The following TCTN2 variants were observed in gnomAD, a reference collection of about 807,000 sequenced individuals.
TCTN2 encodes tectonic-2.
In TCTN2, 66 loss-of-function variants were observed where a neutral mutation model predicts 83.4. The ratio of observed to expected loss-of-function variants is 0.79; its 90% CI spans 0.65 to 0.97. The LOEUF is 0.97. TCTN2 is among the 50% of genes least tolerant of loss of function. The pLI is 0.00. For missense variants in TCTN2, 794 were observed against 858.1 expected (o/e 0.93, Z 0.93); for synonymous variants, 301 against 326.7 (o/e 0.92, Z 0.85).
chr12:123,694,483 A>G (rs1956084422), intron 9 of TCTN2, among the ~76,000 whole-genome samples: 1 of 152,198 alleles, frequency 6.6e-6, no homozygotes, highest in African/African-American at 2.4e-5. Flanking sequence ...GTAGTAGGGA[A>G]CTAGATAGCG....
intron 4 of TCTN2, among the ~76,000 whole-genome samples, chr12:123,674,679 AG>A (rs1434049243): frequency 6.6e-6 from 1 of 152,144 alleles, no homozygotes; most frequent in Non-Finnish European, 1.5e-5. Context: ...GAATTTCTTG[AG>A]CCCAGGAGTT....
intron 3 of TCTN2, among the ~76,000 whole-genome samples, chr12:123,672,818 A>G (rs1170873721): frequency 6.6e-6 from 1 of 152,182 alleles, no homozygotes; most frequent in Admixed American, 6.5e-5. Flanking sequence ...TGGGAGGCCG[A>G]GGAGGGCGGA....
At chr12:123,702,169 G>C (rs549338759) in intron 14 of TCTN2, among the ~76,000 whole-genome samples, 1 of 152,260 alleles carries the variant, frequency 6.6e-6, no homozygotes, top group East Asian at 1.9e-4. Context: ...TTTTTATTGA[G>C]CTAATTAATG....
intron 8 of TCTN2, 61 bp downstream of exon 8, chr12:123,690,735 CATG>C: frequency 6.3e-7 from 1 of 1,584,766 alleles, no homozygotes; most frequent in Non-Finnish European, 8.7e-7. Flanking sequence ...AGTATGATCT[CATG>C]AGAGTATAAA....
chr12:123,703,956 G>A (rs1956200345), intron 14 of TCTN2, among the ~76,000 whole-genome samples: 1 of 151,526 alleles, frequency 6.6e-6, no homozygotes, highest in Non-Finnish European at 1.5e-5. Flanking sequence ...GCTTTAATAT[G>A]TGGGTCAGGG....
chr12:123,698,321 T>C (rs999013228), intron 13 of TCTN2, among the ~76,000 whole-genome samples: 1 of 151,802 alleles, frequency 6.6e-6, no homozygotes, highest in Non-Finnish European at 1.5e-5. Flanking sequence ...GGATTACAGG[T>C]GTGAGCCACT....
chr12:123,676,734 A>G (rs925845233), intron 4 of TCTN2, among the ~76,000 whole-genome samples: 4 of 152,286 alleles, frequency 2.6e-5, no homozygotes, highest in Admixed American at 6.5e-5. Flanking sequence ...TCAGCCAGCC[A>G]GCGATTAAAA....
At chr12:123,697,017 G>A in intron 12 of TCTN2, 70 bp from the exon 13 acceptor site, 4 of 1,251,924 alleles carry the variant, frequency 3.2e-6, no homozygotes, top group South Asian at 1.2e-5. Context: ...TGTTTTTCAC[G>A]GAAAACTGAA....
At chr12:123,699,840 G>A (rs1374273841) in intron 14 of TCTN2, 30 bp downstream of exon 14, 7 of 1,572,828 alleles carry the variant, frequency 4.5e-6, no homozygotes, top group Non-Finnish European at 6.1e-6. Context: ...AATAAAGCCT[G>A]TAACTTGGTT....
intron 14 of TCTN2, 95 bp downstream of exon 14, chr12:123,699,905 T>C: frequency 2.1e-6 from 2 of 965,748 alleles, no homozygotes; most frequent in Non-Finnish European, 1.7e-6. Context: ...TAGGTCATCT[T>C]CCTGAGGCTT....
At position 123,672,267 on chromosome 12, in the gene TCTN2, C is replaced by T. The variant is rs1955764012; in HGVS notation, c.267+135C>T. ...ATCATGAAATTGTGGGCTGTTGGATCTGGTAGACACTTATCCAGCCCACGG... is the reference window on the plus strand; with the variant it reads ...ATCATGAAATTGTGGGCTGTTGGATTTGGTAGACACTTATCCAGCCCACGG... On this transcript the variant is annotated intron_variant, in intron 3 of 17. Coordinates refer to ENST00000303372, the MANE Select transcript of TCTN2 (RefSeq NM_024809.5). The T allele has an allele frequency of 1.1e-5, 9 of 835,196 alleles. No homozygotes were observed. In the South Asian group the frequency reaches 1.3e-4, roughly 12 times the overall value. 51.7% of individuals were successfully genotyped at this position (835,196 alleles called of 1,614,324 possible). A position where few individuals can be genotyped will look rare whatever the true frequency, so the allele number is the denominator to read the frequency against.
At position 123,673,650 on chromosome 12, in the gene TCTN2, T is replaced by G. The variant is rs1955783369; in HGVS notation, c.303T>G (p.Gly101=). The change falls in exon 4 of 18, where the codon GGT becomes GGG. Residue 101 remains glycine, a synonymous_variant. Coordinates refer to ENST00000303372, the MANE Select transcript of TCTN2 (RefSeq NM_024809.5). The part of the protein sequence containing the change: ...VLEVTVRWKR[G]LDWCSSNETD... The stretch of plus-strand genomic sequence containing the variant: ...AAGTGACAGTGAGGTGGAAGAGAGG[T>G]CTGGACTGGTGTTCCTCCAATGAGA... 6.2e-7 allele frequency: 1 copy of G among 1,614,080 alleles called. No homozygotes were observed. Among genetic ancestry groups the G allele is most frequent in the Non-Finnish European group, 8.5e-7 (1 of 1,180,012 alleles).
At chr12:123,698,365 G>GTT (rs201162428) in intron 13 of TCTN2, among the ~76,000 whole-genome samples, 1 of 145,132 alleles carries the variant, frequency 6.9e-6, no homozygotes. Flanking sequence ...TTTTGTTTTT[G>GTT]TTTTTTTTTT....
intron 4 of TCTN2, among the ~76,000 whole-genome samples, chr12:123,678,598 A>G (rs1167497881): frequency 6.6e-6 from 1 of 151,892 alleles, no homozygotes. Flanking sequence ...TAAAATCAGT[A>G]CATTATGTAT....
At chr12:123,689,940 A>G (rs1956021674) in intron 7 of TCTN2, among the ~76,000 whole-genome samples, 1 of 152,076 alleles carries the variant, frequency 6.6e-6, no homozygotes, top group South Asian at 2.1e-4. Context: ...AGCTGGGACT[A>G]TAGGTGCATG....
At chr12:123,696,231 C>T (rs778767661) in intron 11 of TCTN2, 184 bp from the exon 12 acceptor site, 2 of 603,382 alleles carry the variant, frequency 3.3e-6, no homozygotes, top group Non-Finnish European at 6.1e-6. Flanking sequence ...AAATGTGAAG[C>T]ATTCTTTCTC....
intron 17 of TCTN2, 104 bp downstream of exon 17, chr12:123,707,177 TAAAAA>T (rs1374690759): frequency 1.0e-6 from 1 of 982,352 alleles, no homozygotes; most frequent in Non-Finnish European, 1.6e-6. Flanking sequence ...TATAGAAACT[TAAAAA>T]AAAGTACGGA....
chr12:123,704,687 A>C lies in TCTN2; in HGVS notation c.1768A>C (p.Arg590=), dbSNP rs758713438. The change falls in exon 15 of 18, where the codon AGG becomes CGG. Residue 590 remains arginine (R), a splice_region_variant and synonymous_variant. Coordinates refer to ENST00000303372, the MANE Select transcript of TCTN2 (RefSeq NM_024809.5). The part of the protein sequence containing the change: ...TQQEILGVET[R]FSSVNWQYQC... Reference sequence around the variant, plus strand: ...GCAGGAGATACTCGGTGTAGAGACAAGGTATGATCACATCTTGGATCACCG... The same window carrying C: ...GCAGGAGATACTCGGTGTAGAGACACGGTATGATCACATCTTGGATCACCG... 2 of 1,613,626 alleles carry C rather than the reference A, an allele frequency of 1.2e-6. No homozygotes were observed. Among genetic ancestry groups the C allele is most frequent in the South Asian group, 2.2e-5 (2 of 91,058 alleles).
intron 14 of TCTN2, among the ~76,000 whole-genome samples, chr12:123,701,867 C>T (rs1326831311): frequency 1.3e-5 from 2 of 152,066 alleles, no homozygotes; most frequent in South Asian, 2.1e-4. Flanking sequence ...GCAAGTAGCT[C>T]GTACACAAAG....
Sources: gnomAD v4.1 joint callset for allele counts (sites outside exome capture counted in the v4.1 genomes callset) on GRCh38, gnomAD v4.1.1 for gene constraint, MANE v1.5 for transcripts, NCBI Gene and HGNC (gene_info 2026-07-23, HGNC 2026-07-21) for gene names.